MND1: variants seen among roughly 807,000 people sequenced by gnomAD.
MND1 encodes the protein meiotic nuclear division protein 1 homolog.
MND1 carries 28 observed loss-of-function variants against 35.1 expected under a neutral mutation model. The observed-to-expected ratio is 0.80, with a 90% CI of 0.59 to 1.09. The LOEUF (loss-of-function observed/expected upper bound fraction) is 1.09. MND1 is among the 50% of genes least tolerant of loss of function. The pLI, the probability that MND1 is intolerant of heterozygous loss-of-function variation, is 0.00. For synonymous variants in MND1, 69 were observed against 70.5 expected (o/e 0.98, Z 0.11); for missense variants, 213 against 239.6 (o/e 0.89, Z 0.73).
chr4:153,350,844 T>G (rs1773196019), intron 2 of MND1, among the ~76,000 whole-genome samples: 1 of 151,694 alleles, frequency 6.6e-6, no homozygotes, highest in African/African-American at 2.4e-5. Flanking sequence ...TTGGCCCCAG[T>G]CTACTGGCTA....
At chr4:153,352,975 G>A (rs1056211436) in intron 2 of MND1, among the ~76,000 whole-genome samples, 1 of 152,048 alleles carries the variant, frequency 6.6e-6, no homozygotes, top group African/African-American at 2.4e-5. Context: ...TATTTATGCA[G>A]CAGCCCCACT....
At chr4:153,405,876 C>T (rs1199858866) in intron 6 of MND1, among the ~76,000 whole-genome samples, 1 of 152,142 alleles carries the variant, frequency 6.6e-6, no homozygotes, top group Non-Finnish European at 1.5e-5. Context: ...ATGATCTTGG[C>T]TCACTGCAGG....
intron 4 of MND1, among the ~76,000 whole-genome samples, chr4:153,372,929 T>G (rs755548656): frequency 7.9e-5 from 12 of 152,228 alleles, no homozygotes; most frequent in Non-Finnish European, 1.6e-4. Flanking sequence ...TTTATCATTA[T>G]GAAATGACTT....
At chr4:153,360,980 T>C (rs949014175) in intron 4 of MND1, among the ~76,000 whole-genome samples, 2 of 152,088 alleles carry the variant, frequency 1.3e-5, no homozygotes, top group Admixed American at 1.3e-4. Flanking sequence ...GCTGGGATTA[T>C]AGGCACACCA....
At chr4:153,374,648 T>A (rs1383080256) in intron 4 of MND1, among the ~76,000 whole-genome samples, 4 of 152,102 alleles carry the variant, frequency 2.6e-5, no homozygotes, top group Non-Finnish European at 5.9e-5. Flanking sequence ...AATTTTTTTT[T>A]TTTCATCACT....
Position 153,393,372 on chromosome 4 carries a change from T to C in MND1, c.277-890T>C, listed in dbSNP as rs866744036. ...ATTTTCAAATTCAATTTCTTTCTTT[T>C]TTTTTTTTTTTTTTTTGAAACAGGG... is the stretch of plus-strand genomic sequence containing the variant. On this transcript the variant is annotated intron_variant, in intron 4 of 7. Transcript: ENST00000240488. Among the ~76,000 whole-genome samples, 1,241 of 144,212 alleles carry C rather than the reference T, an allele frequency of 8.6e-3. 19 individuals are homozygous for C. Among genetic ancestry groups the C allele is most frequent in the African/African-American group, 0.031 (1,166 of 37,624 alleles). 94.6% of individuals were successfully genotyped at this position (144,212 alleles called of 152,430 possible).
chr4:153,397,072 CTG>C (rs1729215579), intron 5 of MND1, 145 bp from the exon 6 acceptor site: 1 of 498,248 alleles, frequency 2.0e-6, no homozygotes, highest in Admixed American at 3.5e-5. Context: ...CTGTGAATAT[CTG>C]TGTGTGTATA....
At chr4:153,408,139 G>A (rs1006573876) in intron 6 of MND1, among the ~76,000 whole-genome samples, 19 of 152,076 alleles carry the variant, frequency 1.2e-4, no homozygotes, top group Admixed American at 3.9e-4. Flanking sequence ...GCATGGTGGC[G>A]CATGCGTGTA....
At chr4:153,358,651 G>A (rs766816610) in intron 4 of MND1, 29 bp downstream of exon 4, 1 of 1,599,216 alleles carries the variant, frequency 6.3e-7, no homozygotes, top group South Asian at 1.1e-5. Context: ...AAAGAATAGA[G>A]TTGCTTTATA....
chr4:153,369,413 G>A (rs1773736104), intron 4 of MND1, among the ~76,000 whole-genome samples: 1 of 152,152 alleles, frequency 6.6e-6, no homozygotes, highest in Non-Finnish European at 1.5e-5. Context: ...CTCAGATATT[G>A]CAGGTTCAGT....
intron 4 of MND1, among the ~76,000 whole-genome samples, chr4:153,370,009 C>T (rs1773751012): frequency 6.6e-6 from 1 of 152,002 alleles, no homozygotes; most frequent in African/African-American, 2.4e-5. Flanking sequence ...GGACCAGGCT[C>T]GGTGGCTCAG....
intron 4 of MND1, among the ~76,000 whole-genome samples, chr4:153,375,651 G>A (rs902031942): frequency 1.3e-5 from 2 of 152,070 alleles, no homozygotes; most frequent in Non-Finnish European, 2.9e-5. Context: ...TGTACACCAA[G>A]CAGAGGAAGC....
chr4:153,400,772 C>T (rs1729326897), intron 6 of MND1, among the ~76,000 whole-genome samples: 2 of 152,118 alleles, frequency 1.3e-5, no homozygotes. Context: ...CAAGCAAAGA[C>T]TACCAGGCCT....
At chr4:153,371,987 A>G (rs1773800441) in intron 4 of MND1, among the ~76,000 whole-genome samples, 1 of 152,032 alleles carries the variant, frequency 6.6e-6, no homozygotes, top group Admixed American at 6.5e-5. Flanking sequence ...TTTTGTCTCA[A>G]GGAATAGGGA....
intron 2 of MND1, among the ~76,000 whole-genome samples, chr4:153,351,148 T>G (rs1377736619): frequency 6.6e-6 from 1 of 152,150 alleles, no homozygotes; most frequent in African/African-American, 2.4e-5. Flanking sequence ...TTTCCTATGG[T>G]CTCAGCAAGA....
intron 6 of MND1, among the ~76,000 whole-genome samples, chr4:153,405,072 A>G (rs939786973): frequency 1.3e-5 from 2 of 152,060 alleles, no homozygotes; most frequent in Non-Finnish European, 2.9e-5. Context: ...CCCCAAATTG[A>G]TCTACAGATT....
intron 4 of MND1, among the ~76,000 whole-genome samples, chr4:153,385,735 G>GAA (rs1358070619): frequency 3.8e-5 from 5 of 130,874 alleles, no homozygotes; most frequent in African/African-American, 1.4e-4. Flanking sequence ...AAAAAAAAAA[G>GAA]AAAAGAAAAT....
At chr4:153,402,136 A>C (rs1286749323) in intron 6 of MND1, among the ~76,000 whole-genome samples, 1 of 152,198 alleles carries the variant, frequency 6.6e-6, no homozygotes, top group Non-Finnish European at 1.5e-5. Context: ...CCTGGGTGAC[A>C]GAGCGAAACA....
rs1055784346 is a variant in MND1 at position 153,368,065 on chromosome 4, C to T, written c.276+9443C>T. Among the ~76,000 whole-genome samples the T allele has an allele frequency of 2.6e-5, 4 of 152,128 alleles. No individual in the cohort carries two copies. The East Asian group carries it at 5.8e-4, about 22-fold the overall frequency. On this transcript the variant is annotated intron_variant, in intron 4 of 7. Coordinates refer to ENST00000240488, the MANE Select transcript of MND1 (RefSeq NM_032117.4). ...ATTTTTCTTTCCTGCTAGGAAACAA[C>T]GTGCATATTCATCACTCAGCAAATT...
Sources: gnomAD v4.1 joint callset for allele counts (sites outside exome capture counted in the v4.1 genomes callset) on GRCh38, gnomAD v4.1.1 for gene constraint, MANE v1.5 for transcripts, NCBI Gene and HGNC (gene_info 2026-07-23, HGNC 2026-07-21) for gene names.